Variants in STS observed in about 807,000 individuals in gnomAD.
STS encodes the protein steroid sulfatase, also known as steryl-sulfatase.
Under a neutral mutation model 26.8 loss-of-function variants are expected in STS, and 7 were observed. The observed-to-expected ratio is 0.26, with a 90% CI of 0.15 to 0.49. STS has a LOEUF of 0.49. Among genes scored for constraint, STS ranks in the 20% least tolerant of loss-of-function variants. The pLI is 0.98. For missense variants in STS, 434 were observed against 465.6 expected (o/e 0.93, Z 0.63); for synonymous variants, 199 against 189.4 (o/e 1.05, Z -0.42).
At chrX:7,230,825 G>T (rs757686573) in intron 2 of STS, among the ~76,000 whole-genome samples, 2 of 111,895 alleles carry the variant, frequency 1.8e-5, no homozygotes, top group East Asian at 5.6e-4. Context: ...AATTCAAGAT[G>T]AGATATGGGT....
intron 8 of STS, among the ~76,000 whole-genome samples, chrX:7,317,403 C>A (rs1229930829): frequency 1.8e-5 from 2 of 111,016 alleles, no homozygotes; most frequent in African/African-American, 3.3e-5. Context: ...AAAGACATTT[C>A]TTTTTATTTT....
chrX:7,277,715 A>C (rs187401186), intron 7 of STS, among the ~76,000 whole-genome samples: 1 of 112,211 alleles, frequency 8.9e-6, no homozygotes, highest in East Asian at 2.8e-4. Context: ...AGGAAAAACA[A>C]AACCAGAACA....
chrX:7,242,268 A>G (rs1922654461), intron 2 of STS, among the ~76,000 whole-genome samples: 1 of 110,767 alleles, frequency 9.0e-6, no homozygotes, highest in Admixed American at 9.7e-5. Flanking sequence ...ACTCTACATA[A>G]CATTTTATTA....
At chrX:7,304,728 G>A (rs1445196698) in intron 7 of STS, among the ~76,000 whole-genome samples, 1 of 111,726 alleles carries the variant, frequency 9.0e-6, no homozygotes, top group Admixed American at 9.6e-5. Flanking sequence ...TCTGGCACCT[G>A]CCTCCAAGTG....
chrX:7,278,864 A>G (rs1924666498), intron 7 of STS, among the ~76,000 whole-genome samples: 1 of 112,038 alleles, frequency 8.9e-6, no homozygotes, highest in Non-Finnish European at 1.9e-5. Context: ...AAGGTTGTCA[A>G]GAAATCACTG....
intron 6 of STS, among the ~76,000 whole-genome samples, chrX:7,262,891 A>G (rs1004810985): frequency 8.9e-6 from 1 of 111,881 alleles, no homozygotes; most frequent in Admixed American, 9.5e-5. Flanking sequence ...ATGTGAGTGG[A>G]GGTTGAAGGA....
At chrX:7,163,048 C>G (rs1933280504) in intron 1 of STS, among the ~76,000 whole-genome samples, 1 of 67,461 alleles carries the variant, frequency 1.5e-5, no homozygotes, top group African/African-American at 6.2e-5. Context: ...CAGAGCAAGA[C>G]TCCGTCTCAA....
At chrX:7,331,430 T>A (rs1350086828) in intron 9 of STS, among the ~76,000 whole-genome samples, 21 of 110,502 alleles carry the variant, frequency 1.9e-4, no homozygotes, top group African/African-American at 6.9e-4. Flanking sequence ...ATGAGGGCAC[T>A]AGGGCAGAAA....
intron 2 of STS, among the ~76,000 whole-genome samples, chrX:7,236,102 T>C (rs1922299823): frequency 8.9e-6 from 1 of 112,210 alleles, no homozygotes; most frequent in African/African-American, 3.2e-5. Context: ...TTATCTATTT[T>C]ATTTTGTTTA....
chrX:7,276,174 C>A, intron 7 of STS, 87 bp downstream of exon 7: 1 of 1,121,658 alleles, frequency 8.9e-7, no homozygotes, highest in Non-Finnish European at 1.2e-6. Flanking sequence ...ATCTTTGTTC[C>A]TGATGCCTTT....
intron 6 of STS, among the ~76,000 whole-genome samples, chrX:7,272,439 C>A (rs1460110728): frequency 9.0e-6 from 1 of 111,052 alleles, no homozygotes; most frequent in Non-Finnish European, 1.9e-5. Context: ...GCAACTGTTA[C>A]ATAAGCCACA....
At chrX:7,326,950 G>A (rs1049798691) in intron 9 of STS, among the ~76,000 whole-genome samples, 7 of 111,972 alleles carry the variant, frequency 6.3e-5, no homozygotes, top group East Asian at 2.8e-4. Context: ...GAGAAATGCA[G>A]CGTTGACAGT....
intron 8 of STS, among the ~76,000 whole-genome samples, chrX:7,322,971 C>G (rs1265937831): frequency 8.9e-6 from 1 of 112,030 alleles, no homozygotes; most frequent in Non-Finnish European, 1.9e-5. Flanking sequence ...CCTGTTTCCT[C>G]AACTCTCCTG....
At chrX:7,245,366 CT>C (rs1311183484) in intron 2 of STS, among the ~76,000 whole-genome samples, 1 of 112,187 alleles carries the variant, frequency 8.9e-6, no homozygotes, top group Non-Finnish European at 1.9e-5. Context: ...AATTTCCTCT[CT>C]GGTTGAACTG....
At chrX:7,177,063 C>G (rs997228987) in intron 1 of STS, among the ~76,000 whole-genome samples, 1 of 111,749 alleles carries the variant, frequency 8.9e-6, no homozygotes, top group Non-Finnish European at 1.9e-5. Context: ...AAAACTCTTG[C>G]TCCTGGCTCT....
At chrX:7,227,452 T>G (rs1170942787) in intron 2 of STS, among the ~76,000 whole-genome samples, 23 of 110,044 alleles carry the variant, frequency 2.1e-4, no homozygotes, top group African/African-American at 6.9e-4. Context: ...ATCGTTGTTT[T>G]TTTTTTTTTT....
intron 6 of STS, among the ~76,000 whole-genome samples, chrX:7,274,537 A>AG (rs1924436359): frequency 8.9e-6 from 1 of 112,196 alleles, no homozygotes. Flanking sequence ...TCAGAGGGCA[A>AG]CCCGATGTGA....
chrX:7,303,655 TATTAA>T (rs1926080082), intron 7 of STS, among the ~76,000 whole-genome samples: 1 of 111,503 alleles, frequency 9.0e-6, no homozygotes, highest in South Asian at 3.8e-4. Flanking sequence ...TGCACTGACT[TATTAA>T]ATTAAATCAG....
intron 7 of STS, among the ~76,000 whole-genome samples, chrX:7,290,376 T>G (rs1000932329): frequency 8.9e-6 from 1 of 111,808 alleles, no homozygotes; most frequent in African/African-American, 3.2e-5. Context: ...TTAATACTAC[T>G]ACTAATAAAG....
Sources: allele counts gnomAD v4.1 joint callset (sites outside exome capture counted in the v4.1 genomes callset), GRCh38; gene constraint gnomAD v4.1.1; transcripts MANE v1.5; gene names NCBI Gene and HGNC (gene_info 2026-07-23, HGNC 2026-07-21).